ACAP3: variants seen among roughly 807,000 people sequenced by gnomAD.
ACAP3 encodes ArfGAP with coiled-coil, ankyrin repeat and PH domains 3.
Under a neutral mutation model 104.1 loss-of-function variants are expected in ACAP3, and 56 were observed. The observed-to-expected ratio is 0.54, with a 90% CI of 0.43 to 0.67. ACAP3 has a LOEUF of 0.67. Ranked by LOEUF, ACAP3 falls within the 30% of genes least tolerant of loss-of-function variation. The pLI, the probability that ACAP3 is intolerant of heterozygous loss-of-function variation, is 0.00. For synonymous variants in ACAP3, 628 were observed against 496.2 expected (o/e 1.27, Z -3.53); for missense variants, 1,208 against 1,174.9 (o/e 1.03, Z -0.41).
At chr1:1,307,526 T>C (rs1641791333) in intron 1 of ACAP3, 1 of 1,053,030 alleles carries the variant, frequency 9.5e-7, no homozygotes, top group African/African-American at 1.7e-5. Flanking sequence ...GGTCCCGAGG[T>C]GCCCACGGCT....
intron 4 of ACAP3, 92 bp downstream of exon 4, chr1:1,302,830 C>G (rs1570657895): frequency 1.8e-6 from 1 of 553,342 alleles, no homozygotes. Flanking sequence ...AGAAACGTGC[C>G]CCCCCCAACC....
chr1:1,307,329 C>A, intron 1 of ACAP3: 1 of 1,289,392 alleles, frequency 7.8e-7, no homozygotes, highest in Non-Finnish European at 1.0e-6. Context: ...CGTTTCCAAG[C>A]ACCCTACCCC....
Position 1,296,697 on chromosome 1 carries a change from C to G in ACAP3, c.1129-64G>C, listed in dbSNP as rs539331274. 9 of 1,485,928 alleles carry G rather than the reference C, an allele frequency of 6.1e-6. No homozygotes were observed. In the African/African-American group the frequency reaches 1.2e-4, roughly 21 times the overall value. 92.0% of individuals were successfully genotyped at this position (1,485,928 alleles called of 1,614,324 possible). A position where few individuals can be genotyped will look rare whatever the true frequency, so the allele number is the denominator to read the frequency against. On this transcript the variant is annotated intron_variant, in intron 14 of 23. Transcript: ENST00000354700. ...TCCAGCATGGTTTCCCCAGCAGGCC[C>G]CCTCCTCCCCAGCCAGAAGAGCCAA...
chr1:1,293,564 C>T lies in ACAP3; in HGVS notation c.2505G>A (p.Ter835=). The change falls in exon 24 of 24, where the codon TAG becomes TAA. Residue 835 remains the stop codon, a stop_retained_variant. Coordinates refer to ENST00000354700, the MANE Select transcript of ACAP3 (RefSeq NM_030649.3). ...TGGCAGCTGCCCGGCCTGCCCGGCCCTAGCTCTCTTCCAGGTGGAGGCTGA... is the reference window on the plus strand; with the variant it reads ...TGGCAGCTGCCCGGCCTGCCCGGCCTTAGCTCTCTTCCAGGTGGAGGCTGA... ...EFISLHLEES[*] 6.7e-7 allele frequency: 1 copy of T among 1,483,682 alleles called. No individual in the cohort carries two copies. The highest frequency in any genetic ancestry group is 1.5e-5 in the African/African-American group (1 of 68,046). 91.9% of individuals were successfully genotyped at this position (1,483,682 alleles called of 1,614,324 possible). A position where few individuals can be genotyped will look rare whatever the true frequency, so the allele number is the denominator to read the frequency against.
intron 14 of ACAP3, 31 bp from the exon 15 acceptor site, chr1:1,296,664 G>T: frequency 2.0e-6 from 3 of 1,518,988 alleles, no homozygotes; most frequent in Middle Eastern, 4.6e-4. Flanking sequence ...GCTCGGTCCC[G>T]CAGGGGCTCC....
At chr1:1,307,294 C>T (rs1011002160) in intron 1 of ACAP3, 1 of 1,289,150 alleles carries the variant, frequency 7.8e-7, no homozygotes. Context: ...CCCCTCCAAG[C>T]CCCTGGGTCA....
At position 1,295,806 on chromosome 1, in the gene ACAP3, G is replaced by T; in HGVS notation, c.1635C>A (p.Pro545=). Residue 545 remains proline, a synonymous_variant, in exon 18 of 24, where the codon CCC becomes CCA. Coordinates refer to ENST00000354700, the MANE Select transcript of ACAP3 (RefSeq NM_030649.3). ...CCTTGCGGCGGGCAGTGGGAGCGCGGGGAGAGCTGTGGGGCCGCAGGCACT... is the reference window on the plus strand; with the variant it reads ...CCTTGCGGCGGGCAGTGGGAGCGCGTGGAGAGCTGTGGGGCCGCAGGCACT... The part of the protein sequence containing the change: ...VQKCLRPHSS[P]RAPTARRKVR... The T allele has an allele frequency of 6.2e-7, 1 of 1,610,114 alleles. No homozygotes were observed. The highest frequency in any genetic ancestry group is 8.5e-7 in the Non-Finnish European group (1 of 1,179,860).
chr1:1,293,440 A>C lies in ACAP3; in HGVS notation c.*124T>G. ...GCGAGCAGGGCCGCGGCGCCCCAGC[A>C]CTGGGGCTGCCAGGTATCGACCCGC... On this transcript the variant is annotated 3_prime_UTR_variant, in exon 24 of 24. Transcript: ENST00000354700. The C allele has an allele frequency of 1.9e-6, 2 of 1,026,506 alleles. No homozygotes were observed. 63.6% of individuals were successfully genotyped at this position (1,026,506 alleles called of 1,614,324 possible). A position where few individuals can be genotyped will look rare whatever the true frequency, so the allele number is the denominator to read the frequency against.
chr1:1,303,170 C>T lies in ACAP3; in HGVS notation c.217G>A (p.Val73Ile), dbSNP rs532645854. 8.7e-6 allele frequency: 14 copies of T among 1,601,240 alleles called. No individual in the cohort carries two copies. The highest frequency in any genetic ancestry group is 3.4e-5 in the Admixed American group (2 of 58,468). Residue 73 changes from valine to isoleucine, a missense_variant, in exon 3 of 24, where the codon GTC becomes ATC. By Grantham distance (29) the Val-to-Ile change is conservative (BLOSUM62 3). Transcript: ENST00000354700. This position sits in a 1 kb window ranked among gnomAD's most constrained non-coding sequence, Gnocchi z 4.0. ...GTCAGTCGGCCCCTCACCGAGATGA[C>T]GGTGTCGCCCTGGCACTGCTGGGAC... ...DLSQQCQGDT[V>I]ISECLQRFAD...
rs1640947733 is a variant in ACAP3, at chr1:1,293,707, G to A, written c.2362C>T (p.Leu788Phe). Residue 788 changes from leucine to phenylalanine, a missense_variant and splice_region_variant, in exon 24 of 24, where the codon CTC becomes TTC. Transcript: ENST00000354700. Reference sequence around the variant, plus strand: ...TCCTCCGCCATGCGCGCCAGACGGAGCCTACGGGGAGGCACAGCGTGAGAC... The same window carrying A: ...TCCTCCGCCATGCGCGCCAGACGGAACCTACGGGGAGGCACAGCGTGAGAC... ...QAANADIVTL[L>F]RLARMAEEMR... is the part of the protein sequence containing the mutation. 2 of 1,230,252 alleles carry A rather than the reference G, an allele frequency of 1.6e-6. No homozygotes were observed. The highest frequency in any genetic ancestry group is 1.0e-6 in the Non-Finnish European group (1 of 991,180). 76.2% of individuals were successfully genotyped at this position (1,230,252 alleles called of 1,614,324 possible). A position where few individuals can be genotyped will look rare whatever the true frequency, so the allele number is the denominator to read the frequency against.
chr1:1,299,786 C>A, intron 9 of ACAP3, 45 bp downstream of exon 9: 1 of 1,523,616 alleles, frequency 6.6e-7, no homozygotes, highest in South Asian at 1.2e-5. Flanking sequence ...GACGCAGGGG[C>A]CTCCCAGGCG....
chr1:1,294,838 G>C (rs1211378732), intron 19 of ACAP3, 22 bp from the exon 20 acceptor site: 1 of 1,548,392 alleles, frequency 6.5e-7, no homozygotes, highest in Admixed American at 2.0e-5. Flanking sequence ...CAGGGAAGGG[G>C]GTCCTGAGGG....
chr1:1,294,348 T>C, intron 21 of ACAP3, 54 bp downstream of exon 21: 1 of 1,531,248 alleles, frequency 6.5e-7, no homozygotes, highest in Admixed American at 2.1e-5. Context: ...CCACAGAAGA[T>C]GCAAACGCGA....
rs867511621 is a variant in ACAP3 at position 1,294,535 on chromosome 1, C to T, written c.2006G>A (p.Gly669Glu). The change falls in exon 21 of 24, where the codon GGG becomes GAG. Residue 669 changes from glycine (G) to glutamate (E), a missense_variant. By Grantham distance (98) the Gly-to-Glu change is moderately conservative. Transcript: ENST00000354700. ...GLADVRELHPGLLAHRAARAR... is the reference protein window; with the variant it reads ...GLADVRELHPELLAHRAARAR... ...ACGCGCTGCGCGGTGCGCCAAGAGC[C>T]CCGGGTGCAGCTCGCGCACGTCCGC... 1 of 1,498,096 alleles carries T rather than the reference C, an allele frequency of 6.7e-7. No homozygotes were observed. Among genetic ancestry groups the T allele is most frequent in the Non-Finnish European group, 8.8e-7 (1 of 1,133,842 alleles). The allele number at this position is 1,498,096 out of a possible 1,614,324, so 92.8% of individuals were successfully genotyped here.
chr1:1,306,759 T>C (rs924235064), intron 1 of ACAP3, among the ~76,000 whole-genome samples: 2 of 152,210 alleles, frequency 1.3e-5, no homozygotes, highest in African/African-American at 4.8e-5. Context: ...ACATGTGTGT[T>C]CAAGGAGACA....
Position 1,296,235 on chromosome 1 carries a change from G to A in ACAP3, c.1383C>T (p.Asp461=), listed in dbSNP as rs781112703. The A allele has an allele frequency of 1.9e-6, 3 of 1,566,248 alleles. No homozygotes were observed. The East Asian group carries it at 7.1e-5, about 37-fold the overall frequency. ...CCTTTAGCAGCTCAGGCTCCCACGA[G>A]TCCAGCGTCAGGGACCGCACCTTGG... The part of the protein sequence containing the change: ...HCSKVRSLTL[D]SWEPELLKLM... Residue 461 remains aspartate, a synonymous_variant, in exon 16 of 24, where the codon GAC becomes GAT. Coordinates refer to ENST00000354700, the MANE Select transcript of ACAP3 (RefSeq NM_030649.3).
Position 1,303,789 on chromosome 1 carries a change from C to T in ACAP3, c.105+297G>A. 2 of 525,668 alleles carry T rather than the reference C, an allele frequency of 3.8e-6. No homozygotes were observed. Among genetic ancestry groups the T allele is most frequent in the South Asian group, 4.4e-5 (2 of 45,960 alleles). 32.6% of individuals were successfully genotyped at this position (525,668 alleles called of 1,614,324 possible). A position where few individuals can be genotyped will look rare whatever the true frequency, so the allele number is the denominator to read the frequency against. On this transcript the variant is annotated intron_variant, in intron 2 of 23. Transcript: ENST00000354700. The surrounding 1 kb of genome is among the most constrained non-coding windows in gnomAD (Gnocchi z 4.0). The stretch of plus-strand genomic sequence containing the variant: ...CCACACCAAGGCTCAGCCCACACAG[C>T]AGCTGTCCCCGTGTCACCAGCCCAG...
Position 1,293,941 on chromosome 1 carries a change from G to T in ACAP3, c.2250-8C>A, listed in dbSNP as rs1375659693. The T allele has an allele frequency of 5.1e-6, 8 of 1,572,820 alleles. No individual in the cohort carries two copies. The highest frequency in any genetic ancestry group is 6.0e-6 in the Non-Finnish European group (7 of 1,162,844). Reference sequence around the variant, plus strand: ...AGGAACAGGCAAACCTGGCTGAGGGGCGAGGTCGGAGGGGCGTGTCGGGGC... The same window carrying T: ...AGGAACAGGCAAACCTGGCTGAGGGTCGAGGTCGGAGGGGCGTGTCGGGGC... On this transcript the variant is annotated splice_region_variant and splice_polypyrimidine_tract_variant and intron_variant, in intron 22 of 23. Coordinates refer to ENST00000354700, the MANE Select transcript of ACAP3 (RefSeq NM_030649.3).
rs1324793720 is a variant in ACAP3 at position 1,298,820 on chromosome 1, C to T, written c.751-141G>A. The stretch of plus-strand genomic sequence containing the variant: ...CGGACCACACGCTCAGACGAGAGAC[C>T]CTCTGTTCACCACAGCCACTTCTTG... On this transcript the variant is annotated intron_variant, in intron 10 of 23. Transcript: ENST00000354700. 1.7e-5 allele frequency: 11 copies of T among 664,500 alleles called. No homozygotes were observed. In the East Asian group the frequency reaches 2.7e-4, roughly 17 times the overall value. The allele number at this position is 664,500 out of a possible 1,614,324, so 41.2% of individuals were successfully genotyped here.
Sources: allele counts gnomAD v4.1 joint callset (sites outside exome capture counted in the v4.1 genomes callset), GRCh38; gene constraint gnomAD v4.1.1; non-coding constraint Gnocchi (gnomAD v3.1); transcripts MANE v1.5; gene names NCBI Gene and HGNC (gene_info 2026-07-23, HGNC 2026-07-21).